UNC79: variants seen among roughly 807,000 people sequenced by gnomAD.
UNC79 encodes unc-79 subunit of NALCN channel complex, also known as protein unc-79 homolog.
In UNC79, 37 loss-of-function variants were observed where a neutral mutation model predicts 283.1. The ratio of observed to expected loss-of-function variants is 0.13; its 90% CI spans 0.10 to 0.17. The LOEUF is 0.17. Among genes scored for constraint, UNC79 ranks in the 10% least tolerant of loss-of-function variants. The pLI is 1.00. For synonymous variants in UNC79, 1,107 were observed against 1,200.2 expected (o/e 0.92, Z 1.61); for missense variants, 2,272 against 3,211.1 (o/e 0.71, Z 7.07).
intron 24 of UNC79, among the ~76,000 whole-genome samples, chr14:93,598,722 A>G (rs182184365): frequency 3.4e-4 from 52 of 152,216 alleles, no homozygotes; most frequent in African/African-American, 1.1e-3. Context: ...GGGTTTTGCT[A>G]TGTTGGCCAG....
rs529938152 is a variant in UNC79, at chr14:93,414,165, A to G, written c.-350-53506A>G. The stretch of plus-strand genomic sequence containing the variant: ...CTAGGGTTTTTATGGTTTTAGGTCT[A>G]ACGTTTAAGTCTTTAATCCATCTTG... On this transcript the variant is annotated intron_variant, in intron 1 of 49. Coordinates refer to the UNC79 transcript ENST00000256339. 2.4e-3 allele frequency among the ~76,000 whole-genome samples: 365 copies of G among 151,682 alleles called. 14 individuals are homozygous for G. The highest frequency in any genetic ancestry group is 0.024 in the Admixed American group (361 of 15,220).
At chr14:93,650,304 T>TATTTCTCTTGGGTA (rs1566856566) in intron 35 of UNC79, among the ~76,000 whole-genome samples, 1 of 152,188 alleles carries the variant, frequency 6.6e-6, no homozygotes, top group Non-Finnish European at 1.5e-5. Context: ...CAAGTGTTTT[T>TATTTCTCTTGGGTA]ATTTCTCTTG....
At chr14:93,623,935 A>G (rs1266780554) in intron 30 of UNC79, among the ~76,000 whole-genome samples, 1 of 152,206 alleles carries the variant, frequency 6.6e-6, no homozygotes, top group Non-Finnish European at 1.5e-5. Flanking sequence ...CTTTAGAAGA[A>G]ATGGAATTGG....
chr14:93,474,125 T>A lies in UNC79; in HGVS notation c.180T>A (p.Asp60Glu), dbSNP rs1233202455. ...GCACAGGGAAGAAGGAAAACCAAGA[T>A]GCCTCCAATTTGACAGTGCCCATGA... Residue 60 changes from aspartate (D) to glutamate (E), a missense_variant, in exon 3 of 49, where the codon GAT (aspartate) becomes GAA (glutamate). Asp to Glu is a conservative substitution (Grantham distance 45). This residue lies in a region of UNC79 where 194 missense variants were observed against 268.9 expected (regional missense o/e 0.72). Transcript: ENST00000555664. This position sits in a 1 kb window ranked among gnomAD's most constrained non-coding sequence, Gnocchi z 4.1. The A allele has an allele frequency of 1.3e-6, 2 of 1,535,910 alleles. No homozygotes were observed. The highest frequency in any genetic ancestry group is 2.7e-5 in the African/African-American group (2 of 73,034).
Position 93,688,582 on chromosome 14 carries a change from A to G in UNC79, c.6910-83A>G. The G allele has an allele frequency of 6.7e-7, 1 of 1,496,810 alleles. No individual in the cohort carries two copies. Among genetic ancestry groups the G allele is most frequent in the Middle Eastern group, 1.8e-4 (1 of 5,632 alleles). 92.7% of individuals were successfully genotyped at this position (1,496,810 alleles called of 1,614,324 possible). A position where few individuals can be genotyped will look rare whatever the true frequency, so the allele number is the denominator to read the frequency against. On this transcript the variant is annotated intron_variant, in intron 43 of 48. Coordinates refer to ENST00000555664, the Ensembl canonical transcript of UNC79. This position sits in a 1 kb window ranked among gnomAD's most constrained non-coding sequence, Gnocchi z 4.0. The stretch of plus-strand genomic sequence containing the variant: ...CAGAGTGGCGATAAGCGGGGTGGAA[A>G]TGACAACCTCTTCTTTTCAAAGAAT...
rs1288105328 is a variant in UNC79 at position 93,690,088 on chromosome 14, C to A, written c.7086-29C>A. 2 of 1,605,794 alleles carry A rather than the reference C, an allele frequency of 1.2e-6. No individual in the cohort carries two copies. The highest frequency in any genetic ancestry group is 4.5e-5 in the East Asian group (2 of 44,716). ...CCCAATGAAACACAAAACATAAAAT[C>A]ATCTTTAACACTCCTTCTTCTCTAA... On this transcript the variant is annotated intron_variant, in intron 44 of 48. Coordinates refer to ENST00000555664, the Ensembl canonical transcript of UNC79. This position sits in a 1 kb window ranked among gnomAD's most constrained non-coding sequence, Gnocchi z 4.3.
At chr14:93,505,782 A>T (rs931147921) in intron 7 of UNC79, among the ~76,000 whole-genome samples, 1 of 147,496 alleles carries the variant, frequency 6.8e-6, no homozygotes, top group African/African-American at 2.5e-5. Context: ...TCATCACCCC[A>T]TCTTTGGCTT....
chr14:93,481,722 A>G (rs2058154263), intron 4 of UNC79, among the ~76,000 whole-genome samples: 1 of 152,190 alleles, frequency 6.6e-6, no homozygotes, highest in South Asian at 2.1e-4. Flanking sequence ...TTATGTTTCT[A>G]TAACCTTCCA....
chr14:93,531,088 CT>C lies in UNC79; in HGVS notation c.1094-1457del, dbSNP rs1250062501. Among the ~76,000 whole-genome samples, 5 of 152,048 alleles carry C rather than the reference CT, an allele frequency of 3.3e-5. No individual in the cohort carries two copies. Among genetic ancestry groups the C allele is most frequent in the African/African-American group, 1.2e-4 (5 of 41,376 alleles). ...GTTATAAAATATAAGTTATAAAATC[CT>C]TTTTAAATATGTTGCTGAGTTCTGG... On this transcript the variant is annotated intron_variant, in intron 10 of 48. Coordinates refer to ENST00000555664, the Ensembl canonical transcript of UNC79. The surrounding 1 kb of genome is among the most constrained non-coding windows in gnomAD (Gnocchi z 4.2).
Position 93,559,954 on chromosome 14 carries a change from G to T in UNC79, c.1756-11940G>T, listed in dbSNP as rs575430009. 3.3e-5 allele frequency among the ~76,000 whole-genome samples: 5 copies of T among 152,172 alleles called. No homozygotes were observed. The East Asian group carries it at 5.8e-4, about 18-fold the overall frequency. On this transcript the variant is annotated intron_variant, in intron 14 of 48. Coordinates refer to ENST00000555664, the Ensembl canonical transcript of UNC79. ...AGATAATGGGCGATGTTTCTCAGGG[G>T]TGCTTCAAGCGGGATTAGGGGCGGC...
At chr14:93,595,087 T>TCTG in intron 23 of UNC79, among the ~76,000 whole-genome samples, 1 of 152,054 alleles carries the variant, frequency 6.6e-6, no homozygotes, top group South Asian at 2.1e-4. Flanking sequence ...TTTTTTTTTT[T>TCTG]TCTGTTTGTT....
At chr14:93,396,637 T>C (rs1277286317) in intron 1 of UNC79, among the ~76,000 whole-genome samples, 3 of 152,180 alleles carry the variant, frequency 2.0e-5, no homozygotes, top group African/African-American at 7.2e-5. Flanking sequence ...TTCTCAATTA[T>C]TGCTGTAACA....
chr14:93,487,548 C>G (rs751143550), intron 4 of UNC79, 115 bp from the exon 5 acceptor site: 5 of 742,102 alleles, frequency 6.7e-6, no homozygotes, highest in Non-Finnish European at 1.0e-5. Flanking sequence ...CTTCCATTAG[C>G]TTTATTGGAG....
chr14:93,479,728 C>T (rs372962269), intron 4 of UNC79, among the ~76,000 whole-genome samples: 4 of 152,146 alleles, frequency 2.6e-5, no homozygotes, highest in Non-Finnish European at 5.9e-5. Flanking sequence ...TCAAACTCCT[C>T]GGCTTAAGCG....
intron 27 of UNC79, among the ~76,000 whole-genome samples, chr14:93,616,363 T>C (rs1307367246): frequency 7.6e-6 from 1 of 131,678 alleles, no homozygotes; most frequent in African/African-American, 2.9e-5. Context: ...TCTTTCTTTT[T>C]TCCTTTTTTT....
intron 1 of UNC79, among the ~76,000 whole-genome samples, chr14:93,408,248 A>G (rs2055266208): frequency 6.6e-6 from 1 of 152,262 alleles, no homozygotes; most frequent in East Asian, 1.9e-4. Flanking sequence ...GAGTAATATA[A>G]GTAGAGAGAT....
chr14:93,538,768 G>A (rs977562644), intron 12 of UNC79, among the ~76,000 whole-genome samples: 1 of 137,446 alleles, frequency 7.3e-6, no homozygotes, highest in African/African-American at 2.7e-5. Flanking sequence ...GACAGGTCCT[G>A]CAGGCTACTG....
Position 93,474,522 on chromosome 14 carries a change from C to A in UNC79, c.448+129C>A. On this transcript the variant is annotated intron_variant, in intron 3 of 48. Coordinates refer to ENST00000555664, the Ensembl canonical transcript of UNC79. The surrounding 1 kb of genome is among the most constrained non-coding windows in gnomAD (Gnocchi z 4.1). ...TGAAAGGGCTTTGTGTGGCTAGAAGCACTACACTGAAACTTCATTATGGTG... is the reference window on the plus strand; with the variant it reads ...TGAAAGGGCTTTGTGTGGCTAGAAGAACTACACTGAAACTTCATTATGGTG... The A allele has an allele frequency of 9.4e-7, 1 of 1,066,882 alleles. No individual in the cohort carries two copies. The highest frequency in any genetic ancestry group is 1.3e-6 in the Non-Finnish European group (1 of 762,362). 66.1% of individuals were successfully genotyped at this position (1,066,882 alleles called of 1,614,324 possible).
chr14:93,558,593 A>ATTTTTTTT (rs71129647), intron 14 of UNC79, among the ~76,000 whole-genome samples: 14 of 62,772 alleles, frequency 2.2e-4, no homozygotes, highest in African/African-American at 8.1e-4. Flanking sequence ...AGAAACAGGG[A>ATTTTTTTT]TTTTTTTTTT....
Sources: gnomAD v4.1 joint callset for allele counts (sites outside exome capture counted in the v4.1 genomes callset) on GRCh38, gnomAD v4.1.1 for gene constraint, gnomAD v4.1.1 regional missense constraint, Gnocchi (gnomAD v3.1) non-coding constraint, MANE v1.5 for transcripts, NCBI Gene and HGNC (gene_info 2026-07-23, HGNC 2026-07-21) for gene names.